CCSER1: variants seen among roughly 807,000 people sequenced by gnomAD.
The protein encoded by CCSER1 is coiled-coil serine rich protein 1, also known as serine-rich coiled-coil domain-containing protein 1.
Under a neutral mutation model 82.0 loss-of-function variants are expected in CCSER1, and 41 were observed. The ratio of observed to expected loss-of-function variants is 0.50; its 90% CI spans 0.39 to 0.65. The LOEUF (loss-of-function observed/expected upper bound fraction) is 0.65, where lower values mean the gene tolerates loss of function less well. CCSER1 is among the 30% of genes least tolerant of loss of function. The pLI, the probability that CCSER1 is intolerant of heterozygous loss-of-function variation, is 0.00. For missense variants in CCSER1, 1,119 were observed against 1,064.2 expected (o/e 1.05, Z -0.72); for synonymous variants, 414 against 383.9 (o/e 1.08, Z -0.92).
intron 10 of CCSER1, among the ~76,000 whole-genome samples, chr4:91,087,234 A>T (rs1723478682): frequency 6.6e-6 from 1 of 152,108 alleles, no homozygotes; most frequent in Admixed American, 6.6e-5. Flanking sequence ...GGGACATACT[A>T]AGTGGAGTTA....
At chr4:90,376,596 T>A (rs1748351938) in intron 3 of CCSER1, among the ~76,000 whole-genome samples, 1 of 152,158 alleles carries the variant, frequency 6.6e-6, no homozygotes, top group South Asian at 2.1e-4. Context: ...CTGGGGCACA[T>A]GGTTGAGATC....
chr4:91,413,641 A>C (rs2149375019), intron 10 of CCSER1, among the ~76,000 whole-genome samples: 1 of 152,296 alleles, frequency 6.6e-6, no homozygotes, highest in South Asian at 2.1e-4. Context: ...TATTTAAAGA[A>C]GTACTTACTG....
intron 10 of CCSER1, among the ~76,000 whole-genome samples, chr4:91,410,885 T>C (rs1752980478): frequency 6.6e-6 from 1 of 152,030 alleles, no homozygotes; most frequent in South Asian, 2.1e-4. Flanking sequence ...AATAACACAA[T>C]ATATTTGGAA....
At position 90,816,109 on chromosome 4, in the gene CCSER1, A is replaced by G. The variant is rs11940770; in HGVS notation, c.2094+264A>G. 4.6e-3 allele frequency among the ~76,000 whole-genome samples: 701 copies of G among 152,326 alleles called. 5 individuals carry two copies. Among genetic ancestry groups the G allele is most frequent in the African/African-American group, 0.016 (676 of 41,580 alleles). ...AACCAGGATTAAACATTTCGGTTGTATCTATCAGAAATCTTGAAGGCTTAG... is the reference window on the plus strand; with the variant it reads ...AACCAGGATTAAACATTTCGGTTGTGTCTATCAGAAATCTTGAAGGCTTAG... On this transcript the variant is annotated intron_variant, in intron 8 of 10. Coordinates refer to ENST00000509176, the MANE Select transcript of CCSER1 (RefSeq NM_001145065.2).
intron 10 of CCSER1, among the ~76,000 whole-genome samples, chr4:91,215,027 T>A (rs1309468607): frequency 1.3e-5 from 2 of 152,044 alleles, no homozygotes; most frequent in African/African-American, 2.4e-5. Flanking sequence ...AGTTAAGGGA[T>A]CTATTGTTTT....
In CCSER1 at chr4:90,900,094, G is replaced by A. The variant is rs568167520; in HGVS notation, c.2095-23276G>A. 1.1e-4 allele frequency among the ~76,000 whole-genome samples: 11 copies of A among 102,162 alleles called. No homozygotes were observed. In the East Asian group the frequency reaches 2.5e-3, roughly 23 times the overall value. The allele number at this position is 102,162 out of a possible 152,430, so 67.0% of individuals were successfully genotyped here. Reference sequence around the variant, plus strand: ...TGCTGTGAAACCCTCTGGTCCCAGAGTTTTTTTTTTTTTTTTTGTAGATAT... The same window carrying A: ...TGCTGTGAAACCCTCTGGTCCCAGAATTTTTTTTTTTTTTTTTGTAGATAT... On this transcript the variant is annotated intron_variant, in intron 8 of 10. Coordinates refer to ENST00000509176, the MANE Select transcript of CCSER1 (RefSeq NM_001145065.2).
chr4:91,242,699 A>C (rs533044361), intron 10 of CCSER1, among the ~76,000 whole-genome samples: 1 of 152,310 alleles, frequency 6.6e-6, no homozygotes, highest in African/African-American at 2.4e-5. Context: ...TTAAATAATA[A>C]AAATATTAGC....
At chr4:90,335,643 A>C (rs894476349) in intron 3 of CCSER1, among the ~76,000 whole-genome samples, 5 of 152,212 alleles carry the variant, frequency 3.3e-5, no homozygotes, top group Admixed American at 3.3e-4. Flanking sequence ...GAAAATTTGG[A>C]AAGTTAATAT....
At chr4:91,055,535 G>C (rs951343112) in intron 9 of CCSER1, among the ~76,000 whole-genome samples, 3 of 152,082 alleles carry the variant, frequency 2.0e-5, no homozygotes, top group African/African-American at 7.2e-5. Flanking sequence ...GTATCTCTCA[G>C]ATGTGCCAAA....
chr4:91,372,334 T>C (rs1750105451), intron 10 of CCSER1, among the ~76,000 whole-genome samples: 1 of 152,166 alleles, frequency 6.6e-6, no homozygotes, highest in South Asian at 2.1e-4. Context: ...CTCATTCCAC[T>C]GTATGTCAAC....
intron 10 of CCSER1, among the ~76,000 whole-genome samples, chr4:91,469,546 C>T (rs1377867197): frequency 1.3e-5 from 2 of 152,096 alleles, no homozygotes; most frequent in Non-Finnish European, 2.9e-5. Flanking sequence ...TTGAATGTCT[C>T]AGTTTGCTTA....
At chr4:90,517,556 G>A (rs1345831618) in intron 5 of CCSER1, among the ~76,000 whole-genome samples, 1 of 152,088 alleles carries the variant, frequency 6.6e-6, no homozygotes, top group Non-Finnish European at 1.5e-5. Context: ...ATATTCAAGT[G>A]GAAGTGTCAG....
intron 10 of CCSER1, among the ~76,000 whole-genome samples, chr4:91,291,043 T>G (rs1461045834): frequency 6.6e-6 from 1 of 151,518 alleles, no homozygotes; most frequent in South Asian, 2.1e-4. Flanking sequence ...AATTAGCACC[T>G]CTTATTAAAA....
At chr4:90,996,277 A>G (rs545708371) in intron 9 of CCSER1, among the ~76,000 whole-genome samples, 1 of 152,090 alleles carries the variant, frequency 6.6e-6, no homozygotes, top group African/African-American at 2.4e-5. Flanking sequence ...GCAATCTTTA[A>G]CTTTCTGTTT....
chr4:90,306,762 G>A (rs528125097), intron 1 of CCSER1, among the ~76,000 whole-genome samples: 1 of 152,224 alleles, frequency 6.6e-6, no homozygotes, highest in Non-Finnish European at 1.5e-5. Context: ...TGGTTGTAAA[G>A]ACTAAGAAAT....
chr4:91,066,609 G>A (rs1009345782), intron 9 of CCSER1, among the ~76,000 whole-genome samples: 2 of 152,138 alleles, frequency 1.3e-5, no homozygotes, highest in Admixed American at 6.6e-5. Context: ...ATTCTTCTGC[G>A]TAACTGGAGA....
chr4:90,470,017 G>A (rs997927839), intron 5 of CCSER1, among the ~76,000 whole-genome samples: 40 of 152,242 alleles, frequency 2.6e-4, no homozygotes, highest in African/African-American at 8.9e-4. Flanking sequence ...AGAACATTGG[G>A]ATTTTCAGGT....
intron 9 of CCSER1, among the ~76,000 whole-genome samples, chr4:91,019,928 A>G (rs1437073844): frequency 2.0e-5 from 3 of 152,234 alleles, no homozygotes; most frequent in Non-Finnish European, 4.4e-5. Context: ...AATATGCTAT[A>G]TTAATTTAAT....
intron 7 of CCSER1, among the ~76,000 whole-genome samples, chr4:90,777,400 C>T (rs1417526772): frequency 1.4e-5 from 2 of 144,348 alleles, no homozygotes; most frequent in Admixed American, 6.9e-5. Context: ...ACTTATTGGA[C>T]TTTAAGACCT....
Sources: gnomAD v4.1 joint callset for allele counts (sites outside exome capture counted in the v4.1 genomes callset) on GRCh38, gnomAD v4.1.1 for gene constraint, MANE v1.5 for transcripts, NCBI Gene and HGNC (gene_info 2026-07-23, HGNC 2026-07-21) for gene names.